The following CENPQ variants were observed in gnomAD, a reference collection of about 807,000 sequenced individuals.
The protein encoded by CENPQ is chromosome 6 open reading frame 139.
In CENPQ, 27 loss-of-function variants were observed where a neutral mutation model predicts 36.6. The ratio of observed to expected loss-of-function variants is 0.74; its 90% CI spans 0.54 to 1.02. CENPQ has a LOEUF of 1.02. Among genes scored for constraint, CENPQ ranks in the 50% least tolerant of loss-of-function variants. The pLI is 0.00. For missense variants in CENPQ, 306 were observed against 301.8 expected (o/e 1.01, Z -0.10); for synonymous variants, 101 against 101.7 (o/e 0.99, Z 0.04).
intron 5 of CENPQ, among the ~76,000 whole-genome samples, chr6:49,475,463 T>G (rs913878030): frequency 1.3e-5 from 2 of 152,194 alleles, no homozygotes; most frequent in Admixed American, 1.3e-4. Context: ...CCACAGCCAA[T>G]GTCATACTGA....
intron 2 of CENPQ, among the ~76,000 whole-genome samples, chr6:49,470,480 G>A (rs1465156220): frequency 1.3e-5 from 2 of 151,528 alleles, no homozygotes; most frequent in African/African-American, 2.4e-5. Flanking sequence ...TTAGCCAGGC[G>A]TGGTGGTGCA....
rs1768761395 is a variant in CENPQ, at chr6:49,492,945, C to A, written c.*670C>A. 1 of 152,210 alleles carries A rather than the reference C, an allele frequency of 6.6e-6. No homozygotes were observed. The highest frequency in any genetic ancestry group is 1.5e-5 in the Non-Finnish European group (1 of 67,950). The allele number at this position is 152,210 out of a possible 1,614,324, so 9.4% of individuals were successfully genotyped here. On this transcript the variant is annotated 3_prime_UTR_variant, in exon 9 of 9. Coordinates refer to ENST00000335783, the MANE Select transcript of CENPQ (RefSeq NM_018132.4). ...CATTTATTTTATTAAAACAAGAAAACCCAAAATATATAAACCTTTTCTTAT... is the reference window on the plus strand; with the variant it reads ...CATTTATTTTATTAAAACAAGAAAAACCAAAATATATAAACCTTTTCTTAT...
intron 4 of CENPQ, 49 bp from the exon 5 acceptor site, chr6:49,472,741 T>C: frequency 7.4e-7 from 1 of 1,354,644 alleles, no homozygotes. Flanking sequence ...AAAGAGTATA[T>C]GATTTGTGCA....
chr6:49,490,868 G>GA (rs1201567345), intron 8 of CENPQ, among the ~76,000 whole-genome samples: 3 of 152,178 alleles, frequency 2.0e-5, no homozygotes, highest in Admixed American at 2.0e-4. Context: ...TTCACTGTTT[G>GA]ATATGGTTGC....
intron 6 of CENPQ, among the ~76,000 whole-genome samples, chr6:49,487,415 T>G (rs1310814781): frequency 7.5e-6 from 1 of 133,560 alleles, no homozygotes; most frequent in Non-Finnish European, 1.6e-5. Context: ...TACAAAAACA[T>G]CCCATGGGCA....
intron 8 of CENPQ, among the ~76,000 whole-genome samples, chr6:49,490,717 G>A (rs1197708274): frequency 1.3e-5 from 2 of 152,158 alleles, no homozygotes; most frequent in East Asian, 3.8e-4. Flanking sequence ...ACACTTAGAG[G>A]CCATTGTAGC....
chr6:49,486,511 C>A (rs1290986437), intron 6 of CENPQ, among the ~76,000 whole-genome samples: 2 of 152,116 alleles, frequency 1.3e-5, no homozygotes, highest in Non-Finnish European at 2.9e-5. Flanking sequence ...ACAGAGTAAA[C>A]TATCTAATCT....
At chr6:49,474,751 G>A (rs1036620317) in intron 5 of CENPQ, among the ~76,000 whole-genome samples, 2 of 152,006 alleles carry the variant, frequency 1.3e-5, no homozygotes, top group African/African-American at 4.8e-5. Flanking sequence ...CAACAAAATT[G>A]ATAGACCACT....
chr6:49,490,438 A>T (rs921417703), intron 8 of CENPQ, among the ~76,000 whole-genome samples: 7 of 152,222 alleles, frequency 4.6e-5, no homozygotes, highest in African/African-American at 1.7e-4. Context: ...GTTTAAGGGA[A>T]TGTCGTGGCT....
At chr6:49,472,736 G>T in intron 4 of CENPQ, 54 bp from the exon 5 acceptor site, 1 of 1,339,020 alleles carries the variant, frequency 7.5e-7, no homozygotes, top group Non-Finnish European at 9.9e-7. Context: ...AGTACAAAGA[G>T]TATATGATTT....
At chr6:49,477,153 A>G (rs1768313629) in intron 5 of CENPQ, among the ~76,000 whole-genome samples, 1 of 152,162 alleles carries the variant, frequency 6.6e-6, no homozygotes, top group African/African-American at 2.4e-5. Flanking sequence ...CACAATAGCA[A>G]AGACTTGGAA....
chr6:49,486,267 C>G (rs548287565), intron 6 of CENPQ, among the ~76,000 whole-genome samples: 49 of 152,290 alleles, frequency 3.2e-4, no homozygotes, highest in Admixed American at 2.6e-3. Context: ...CCTGCCAACA[C>G]CTTGATTTTG....
chr6:49,480,257 A>G (rs985058794), intron 5 of CENPQ, among the ~76,000 whole-genome samples: 1 of 152,200 alleles, frequency 6.6e-6, no homozygotes, highest in Non-Finnish European at 1.5e-5. Context: ...TTTCCTCCTC[A>G]TAAAATTCAA....
intron 5 of CENPQ, among the ~76,000 whole-genome samples, chr6:49,475,577 A>G (rs1013974619): frequency 2.0e-5 from 3 of 152,216 alleles, no homozygotes; most frequent in African/African-American, 7.2e-5. Flanking sequence ...TGGCCAGGGC[A>G]ATCAGGCAGG....
rs1244724873 is a variant in CENPQ at position 49,493,022 on chromosome 6, A to T, written c.*747A>T. On this transcript the variant is annotated 3_prime_UTR_variant, in exon 9 of 9. Coordinates refer to ENST00000335783, the MANE Select transcript of CENPQ (RefSeq NM_018132.4). ...TAAGTTATAACCTAGTGTATAAAAA[A>T]TTATTTCTAACAAACTACAGTATAC... 6.6e-6 allele frequency: 1 copy of T among 151,668 alleles called. No individual in the cohort carries two copies. The highest frequency in any genetic ancestry group is 1.5e-5 in the Non-Finnish European group (1 of 67,946). The allele number at this position is 151,668 out of a possible 1,614,324, so 9.4% of individuals were successfully genotyped here. A position where few individuals can be genotyped will look rare whatever the true frequency, so the allele number is the denominator to read the frequency against.
chr6:49,471,009 G>T lies in CENPQ; in HGVS notation c.138G>T (p.Leu46=). The T allele has an allele frequency of 6.5e-7, 1 of 1,527,452 alleles. No homozygotes were observed. Among genetic ancestry groups the T allele is most frequent in the South Asian group, 1.3e-5 (1 of 77,462 alleles). 94.6% of individuals were successfully genotyped at this position (1,527,452 alleles called of 1,614,324 possible). Residue 46 remains leucine (L), a synonymous_variant, in exon 3 of 9, where the codon CTG becomes CTT. Coordinates refer to ENST00000335783, the MANE Select transcript of CENPQ (RefSeq NM_018132.4). Reference sequence around the variant, plus strand: ...CAGTGAAAAAAAATAAAAATCATCTGAAAGATCTGTCTTCTGAAGGTATTT... The same window carrying T: ...CAGTGAAAAAAAATAAAAATCATCTTAAAGATCTGTCTTCTGAAGGTATTT... The part of the protein sequence containing the change: ...RNTVKKNKNH[L]KDLSSEGQTK...
At chr6:49,490,975 A>T (rs1302358069) in intron 8 of CENPQ, among the ~76,000 whole-genome samples, 2 of 152,196 alleles carry the variant, frequency 1.3e-5, no homozygotes, top group South Asian at 4.1e-4. Context: ...AGTTTGAACT[A>T]TTACAAGAAT....
intron 5 of CENPQ, among the ~76,000 whole-genome samples, chr6:49,476,706 T>A (rs977113899): frequency 6.6e-6 from 1 of 151,976 alleles, no homozygotes; most frequent in African/African-American, 2.4e-5. Flanking sequence ...GAATCTACAA[T>A]GAACTCAAAC....
At chr6:49,475,969 G>A (rs1203252306) in intron 5 of CENPQ, among the ~76,000 whole-genome samples, 1 of 151,992 alleles carries the variant, frequency 6.6e-6, no homozygotes, top group Non-Finnish European at 1.5e-5. Flanking sequence ...TGGATGGGAA[G>A]AATCAATATC....
Sources: allele counts gnomAD v4.1 joint callset (sites outside exome capture counted in the v4.1 genomes callset), GRCh38; gene constraint gnomAD v4.1.1; transcripts MANE v1.5; gene names NCBI Gene and HGNC (gene_info 2026-07-23, HGNC 2026-07-21).